The following SPEF2 variants were observed in gnomAD, a reference collection of about 807,000 sequenced individuals.
The protein encoded by SPEF2 is sperm flagellar and cilia associated 2.
SPEF2 carries 187 observed loss-of-function variants against 224.6 expected under a neutral mutation model. The ratio of observed to expected loss-of-function variants is 0.83; its 90% confidence interval spans 0.74 to 0.94. SPEF2 has a LOEUF of 0.94. Among genes scored for constraint, SPEF2 ranks in the 40% least tolerant of loss-of-function variants. SPEF2 has a pLI of 0.00. For synonymous variants in SPEF2, 715 were observed against 707.3 expected, an observed-to-expected ratio of 1.01 and a Z score of -0.17; for missense variants, 2,170 against 2,135.6, an observed-to-expected ratio of 1.02 and a Z score of -0.32.
chr5:35,695,897 C>T, intron 14 of SPEF2, 101 bp downstream of exon 14: 1 of 795,066 alleles, frequency 1.3e-6, no homozygotes, highest in Non-Finnish European at 1.9e-6. Context: ...GCAATGTGCT[C>T]TTCTTTGGTT....
intron 20 of SPEF2, among the ~76,000 whole-genome samples, chr5:35,715,857 G>C (rs1282827428): frequency 2.4e-5 from 3 of 124,056 alleles, no homozygotes; most frequent in African/African-American, 9.0e-5. Flanking sequence ...GCTCTGTTGG[G>C]GGTATAATTT....
At chr5:35,745,626 C>T (rs1458232019) in intron 23 of SPEF2, among the ~76,000 whole-genome samples, 3 of 152,170 alleles carry the variant, frequency 2.0e-5, no homozygotes, top group African/African-American at 7.2e-5. Flanking sequence ...ACTCCAGTGA[C>T]CTGGGAATCT....
intron 23 of SPEF2, among the ~76,000 whole-genome samples, chr5:35,742,018 T>C (rs1747726719): frequency 6.6e-6 from 1 of 152,228 alleles, no homozygotes; most frequent in Non-Finnish European, 1.5e-5. Context: ...AAGCAAAATT[T>C]AAAATGACAA....
intron 14 of SPEF2, among the ~76,000 whole-genome samples, chr5:35,696,201 A>G (rs532012189): frequency 6.6e-6 from 1 of 152,332 alleles, no homozygotes; most frequent in East Asian, 1.9e-4. Flanking sequence ...AAAACTGTTT[A>G]CAACAGTTCA....
At chr5:35,731,469 A>G (rs1337705077) in intron 21 of SPEF2, among the ~76,000 whole-genome samples, 1 of 152,204 alleles carries the variant, frequency 6.6e-6, no homozygotes, top group African/African-American at 2.4e-5. Flanking sequence ...TCCTATAGAG[A>G]GAACAGAAAG....
chr5:35,702,652 C>A (rs531477379), intron 16 of SPEF2, among the ~76,000 whole-genome samples: 1 of 151,956 alleles, frequency 6.6e-6, no homozygotes, highest in African/African-American at 2.4e-5. Context: ...TTAGTGTATG[C>A]GTTTTTTGGC....
Position 35,632,438 on chromosome 5 carries a change from G to C in SPEF2, c.161+3876G>C, listed in dbSNP as rs141577506. ...TCACTCACTATCACAAGACCAACAT[G>C]GGGGAAGCTGTCTCCATGATCCAAT... is the stretch of plus-strand genomic sequence containing the variant. On this transcript the variant is annotated intron_variant, in intron 2 of 36. Coordinates refer to ENST00000356031, the MANE Select transcript of SPEF2 (RefSeq NM_024867.4). Among the ~76,000 whole-genome samples, 552 of 152,222 alleles carry C rather than the reference G, an allele frequency of 3.6e-3. 5 individuals are homozygous for C. The highest frequency in any genetic ancestry group is 0.01 in the Middle Eastern group (3 of 294).
chr5:35,716,128 T>C (rs1742523331), intron 20 of SPEF2, among the ~76,000 whole-genome samples: 1 of 151,968 alleles, frequency 6.6e-6, no homozygotes, highest in Non-Finnish European at 1.5e-5. Flanking sequence ...AAAATCGATG[T>C]TTGGACATTC....
At position 35,753,653 on chromosome 5, in the gene SPEF2, T is replaced by C. The variant is rs1234392163; in HGVS notation, c.3360T>C (p.Cys1120=). 6.2e-7 allele frequency: 1 copy of C among 1,614,050 alleles called. No individual in the cohort carries two copies. The highest frequency in any genetic ancestry group is 8.5e-7 in the Non-Finnish European group (1 of 1,180,012). Reference sequence around the variant, plus strand: ...TGCGAGACCGCCTGTGGGACATTTGTGATGCCCGGAAGGAAGAGGCGGAGC... The same window carrying C: ...TGCGAGACCGCCTGTGGGACATTTGCGATGCCCGGAAGGAAGAGGCGGAGC... ...NDLRDRLWDI[C]DARKEEAEQE... is the part of the protein sequence containing the mutation. The change falls in exon 24 of 37, where the codon TGT becomes TGC. Residue 1120 remains cysteine, a synonymous_variant. Transcript: ENST00000356031.
intron 23 of SPEF2, among the ~76,000 whole-genome samples, chr5:35,750,251 A>G (rs1749204197): frequency 6.6e-6 from 1 of 152,138 alleles, no homozygotes. Flanking sequence ...TAAAAATTCT[A>G]CAAGATAACT....
At chr5:35,710,142 T>TGAATA in intron 19 of SPEF2, 2 of 985,246 alleles carry the variant, frequency 2.0e-6, no homozygotes, top group Non-Finnish European at 2.4e-6. Flanking sequence ...TTTTATCATG[T>TGAATA]CAACAATAAA....
intron 20 of SPEF2, among the ~76,000 whole-genome samples, chr5:35,713,268 C>T (rs1256705820): frequency 6.6e-6 from 1 of 152,074 alleles, no homozygotes; most frequent in Non-Finnish European, 1.5e-5. Flanking sequence ...AAATAAAAAT[C>T]TTACATTACC....
chr5:35,704,572 A>C lies in SPEF2; in HGVS notation c.2417A>C (p.Lys806Thr). 6.2e-7 allele frequency: 1 copy of C among 1,611,226 alleles called. No homozygotes were observed. The highest frequency in any genetic ancestry group is 8.5e-7 in the Non-Finnish European group (1 of 1,178,844). Residue 806 changes from lysine to threonine, a missense_variant, in exon 17 of 37, where the codon AAA becomes ACA. Lys to Thr is a moderately conservative substitution (Grantham distance 78). Transcript: ENST00000356031. ...ACCATAGCTGAAGAATTGTCCTATA[A>C]AACTGCTCACGAAGATATCAGTCAA... is the stretch of plus-strand genomic sequence containing the variant. ...NDIIAEELSY[K>T]TAHEDISQRV...
chr5:35,738,164 T>C (rs190625876), intron 21 of SPEF2, among the ~76,000 whole-genome samples: 1 of 152,292 alleles, frequency 6.6e-6, no homozygotes. Flanking sequence ...TTCTGTAGGT[T>C]GCCTGTTCAC....
At chr5:35,663,500 C>G (rs567717299) in intron 8 of SPEF2, among the ~76,000 whole-genome samples, 1 of 152,152 alleles carries the variant, frequency 6.6e-6, no homozygotes, top group Non-Finnish European at 1.5e-5. Context: ...CAGGGCCCAC[C>G]TGAAAGCTGC....
At chr5:35,679,116 A>G (rs1172597951) in intron 10 of SPEF2, among the ~76,000 whole-genome samples, 1 of 152,178 alleles carries the variant, frequency 6.6e-6, no homozygotes, top group African/African-American at 2.4e-5. Context: ...TGAGTGCCAT[A>G]TTACCCAGGA....
intron 19 of SPEF2, among the ~76,000 whole-genome samples, chr5:35,711,920 A>G (rs1006809296): frequency 2.8e-4 from 43 of 152,182 alleles, no homozygotes; most frequent in Non-Finnish European, 1.2e-4. Flanking sequence ...GCCCAGGACC[A>G]GGGAGGAAAA....
intron 27 of SPEF2, among the ~76,000 whole-genome samples, chr5:35,772,064 G>T (rs1440227007): frequency 6.6e-6 from 1 of 152,188 alleles, no homozygotes; most frequent in Non-Finnish European, 1.5e-5. Flanking sequence ...GTGCAGAAAG[G>T]CTAACACTGC....
intron 26 of SPEF2, among the ~76,000 whole-genome samples, chr5:35,768,784 T>C (rs1032209552): frequency 6.6e-6 from 1 of 152,170 alleles, no homozygotes; most frequent in African/African-American, 2.4e-5. Context: ...CAACTTTGAA[T>C]TTCTAATGAA....
Sources: allele counts gnomAD v4.1 joint callset (sites outside exome capture counted in the v4.1 genomes callset), GRCh38; gene constraint gnomAD v4.1.1; transcripts MANE v1.5; gene names NCBI Gene and HGNC (gene_info 2026-07-23, HGNC 2026-07-21).